Variants in ADCY2 observed in about 807,000 individuals in gnomAD.
ADCY2 encodes adenylate cyclase 2.
ADCY2 carries 31 observed loss-of-function variants against 125.2 expected under a neutral mutation model. The ratio of observed to expected loss-of-function variants is 0.25; its 90% CI spans 0.19 to 0.33. The LOEUF (loss-of-function observed/expected upper bound fraction) is 0.33. Ranked by LOEUF, ADCY2 falls within the 10% of genes least tolerant of loss-of-function variation. ADCY2 has a pLI of 1.00. For missense variants in ADCY2, 904 were observed against 1,418.2 expected (o/e 0.64, Z 5.82); for synonymous variants, 512 against 548.4 (o/e 0.93, Z 0.93).
chr5:7,427,276 A>G (rs1230955348), intron 2 of ADCY2, among the ~76,000 whole-genome samples: 1 of 152,212 alleles, frequency 6.6e-6, no homozygotes, highest in Non-Finnish European at 1.5e-5. Context: ...CACCTGTATT[A>G]GTTCATTCTC....
At chr5:7,564,013 G>T (rs1175335109) in intron 3 of ADCY2, among the ~76,000 whole-genome samples, 1 of 152,172 alleles carries the variant, frequency 6.6e-6, no homozygotes, top group Non-Finnish European at 1.5e-5. Context: ...CACATGCAAT[G>T]CTTATGTCCT....
At position 7,773,010 on chromosome 5, in the gene ADCY2, A is replaced by G; in HGVS notation, c.2293A>G (p.Ile765Val). The G allele has an allele frequency of 6.2e-7, 1 of 1,614,166 alleles. No individual in the cohort carries two copies. Among genetic ancestry groups the G allele is most frequent in the East Asian group, 2.2e-5 (1 of 44,880 alleles). Residue 765 changes from isoleucine (I) to valine (V), a missense_variant, in exon 18 of 25, where the codon ATC (isoleucine) becomes GTC (valine). Around this residue, in one of 7 missense-constraint regions of ADCY2, gnomAD observed 221 missense variants for 246.2 expected, o/e 0.90. Transcript: ENST00000338316. Reference protein sequence around the residue: ...LRVNYELKMLIMMVALVGYNT... With the variant: ...LRVNYELKMLVMMVALVGYNT... The stretch of plus-strand genomic sequence containing the variant: ...GGTAAACTATGAGCTGAAGATGTTG[A>G]TCATGATGGTGGCCTTGGTGGGCTA...
chr5:7,707,543 G>T, intron 8 of ADCY2, among the ~76,000 whole-genome samples, 163 bp from the exon 9 acceptor site: 1 of 152,182 alleles, frequency 6.6e-6, no homozygotes, highest in East Asian at 1.9e-4. Context: ...ACCTCTAAGA[G>T]CATCTTTCCA....
At chr5:7,778,734 T>C (rs879904592) in intron 18 of ADCY2, among the ~76,000 whole-genome samples, 1 of 152,196 alleles carries the variant, frequency 6.6e-6, no homozygotes, top group Admixed American at 6.5e-5. Context: ...GGCTGGAATT[T>C]AGGATATTGC....
intron 2 of ADCY2, among the ~76,000 whole-genome samples, chr5:7,436,157 C>G (rs1464839017): frequency 6.6e-6 from 1 of 152,178 alleles, no homozygotes; most frequent in Non-Finnish European, 1.5e-5. Flanking sequence ...ACACATAAAA[C>G]AAGGTTCTGC....
intron 17 of ADCY2, among the ~76,000 whole-genome samples, chr5:7,772,192 G>A (rs2126481249): frequency 6.6e-6 from 1 of 152,364 alleles, no homozygotes; most frequent in South Asian, 2.1e-4. Flanking sequence ...TTAGTGAAGA[G>A]TTGAATTCAG....
chr5:7,551,104 T>A (rs1735325686), intron 3 of ADCY2, among the ~76,000 whole-genome samples: 1 of 145,400 alleles, frequency 6.9e-6, no homozygotes, highest in African/African-American at 2.5e-5. Flanking sequence ...GAAAATCTTC[T>A]GCAAAAGTTT....
At chr5:7,505,431 G>A (rs755429362) in intron 2 of ADCY2, among the ~76,000 whole-genome samples, 2 of 152,178 alleles carry the variant, frequency 1.3e-5, no homozygotes, top group Non-Finnish European at 2.9e-5. Flanking sequence ...TTTAATTATT[G>A]TCAGGCAGTG....
chr5:7,727,319 C>T, intron 14 of ADCY2, 58 bp downstream of exon 14: 1 of 1,368,310 alleles, frequency 7.3e-7, no homozygotes, highest in South Asian at 1.2e-5. Flanking sequence ...CACTGGAGCC[C>T]AGTTATATTT....
At chr5:7,509,737 CT>C (rs1322663857) in intron 2 of ADCY2, among the ~76,000 whole-genome samples, 6 of 152,126 alleles carry the variant, frequency 3.9e-5, no homozygotes, top group Non-Finnish European at 7.4e-5. Flanking sequence ...TTTTCACATT[CT>C]ATAGAGTTGA....
intron 3 of ADCY2, among the ~76,000 whole-genome samples, chr5:7,620,492 G>A (rs573623433): frequency 1.6e-3 from 240 of 152,290 alleles, no homozygotes; most frequent in African/African-American, 5.6e-3. Context: ...ATTAACCAAA[G>A]CACAGTGTTC....
At chr5:7,607,363 C>G (rs1442439547) in intron 3 of ADCY2, among the ~76,000 whole-genome samples, 1 of 152,254 alleles carries the variant, frequency 6.6e-6, no homozygotes, top group Non-Finnish European at 1.5e-5. Context: ...GTTTAGTCAT[C>G]TGCTTCTTAT....
chr5:7,812,909 C>CA (rs934159358), intron 22 of ADCY2, among the ~76,000 whole-genome samples: 36 of 149,874 alleles, frequency 2.4e-4, no homozygotes, highest in African/African-American at 6.8e-4. Flanking sequence ...GACTCCATCT[C>CA]AAAAAAAAAT....
chr5:7,623,872 A>G (rs1342482305), intron 3 of ADCY2, among the ~76,000 whole-genome samples: 1 of 152,236 alleles, frequency 6.6e-6, no homozygotes, highest in African/African-American at 2.4e-5. Context: ...CACCACATGC[A>G]TATACCACAC....
Position 7,816,963 on chromosome 5 carries a change from A to G in ADCY2, c.2981A>G (p.Asp994Gly). The part of the protein sequence containing the change: ...LDAINKHSFN[D>G]FKLRVGINHG... ...GCCATCAACAAGCACTCCTTCAACG[A>G]CTTCAAATTGCGAGTGGGTACGTTC... The change falls in exon 23 of 25, where the codon GAC becomes GGC. Residue 994 changes from aspartate to glycine, a missense_variant. Coordinates refer to ENST00000338316, the MANE Select transcript of ADCY2 (RefSeq NM_020546.3). 1 of 1,614,022 alleles carries G rather than the reference A, an allele frequency of 6.2e-7. No individual in the cohort carries two copies. The highest frequency in any genetic ancestry group is 8.5e-7 in the Non-Finnish European group (1 of 1,179,982).
At chr5:7,455,375 A>C (rs558234817) in intron 2 of ADCY2, among the ~76,000 whole-genome samples, 33 of 152,264 alleles carry the variant, frequency 2.2e-4, no homozygotes, top group African/African-American at 7.9e-4. Context: ...TAAAATTTGC[A>C]ACACAGCTGA....
At chr5:7,715,811 T>A (rs546248082) in intron 11 of ADCY2, among the ~76,000 whole-genome samples, 1 of 152,224 alleles carries the variant, frequency 6.6e-6, no homozygotes, top group African/African-American at 2.4e-5. Context: ...TGAGATTTAA[T>A]TACAGATAAA....
Position 7,802,335 on chromosome 5 carries a change from C to T in ADCY2, c.2746C>T (p.Leu916=). The T allele has an allele frequency of 1.2e-6, 2 of 1,614,166 alleles. No homozygotes were observed. The highest frequency in any genetic ancestry group is 1.7e-6 in the Non-Finnish European group (2 of 1,180,030). ...NKEGLECLRL[L]NEIIADFDDL... ...GGAGGGCTTGGAATGCCTTCGGCTC[C>T]TGAACGAGATCATCGCTGACTTTGA... Residue 916 remains leucine (L), a synonymous_variant, in exon 21 of 25, where the codon CTG becomes TTG. Coordinates refer to ENST00000338316, the MANE Select transcript of ADCY2 (RefSeq NM_020546.3). The surrounding 1 kb of genome is among the most constrained non-coding windows in gnomAD (Gnocchi z 4.6).
At chr5:7,696,920 A>T (rs1740912990) in intron 6 of ADCY2, among the ~76,000 whole-genome samples, 1 of 152,208 alleles carries the variant, frequency 6.6e-6, no homozygotes, top group Non-Finnish European at 1.5e-5. Flanking sequence ...GTGTTCATTT[A>T]TAAGAAAAGA....
Sources: gnomAD v4.1 joint callset for allele counts (sites outside exome capture counted in the v4.1 genomes callset) on GRCh38, gnomAD v4.1.1 for gene constraint, gnomAD v4.1.1 regional missense constraint, Gnocchi (gnomAD v3.1) non-coding constraint, MANE v1.5 for transcripts, NCBI Gene and HGNC (gene_info 2026-07-23, HGNC 2026-07-21) for gene names.